The following LRFN5 variants were observed in gnomAD, a reference collection of about 807,000 sequenced individuals.
LRFN5 encodes leucine rich repeat and fibronectin type III domain containing 5.
LRFN5 carries 24 observed loss-of-function variants against 45.6 expected under a neutral mutation model. The observed-to-expected ratio is 0.53, with a 90% CI of 0.38 to 0.74. The LOEUF is 0.74. LRFN5 is among the 30% of genes least tolerant of loss of function. The probability of loss-of-function intolerance (pLI) is 0.00; values close to 1 mark genes in which losing one functional copy is unlikely to be tolerated. For missense variants in LRFN5, 776 were observed against 861.5 expected, an observed-to-expected ratio of 0.90 and a Z score of 1.24; for synonymous variants, 340 against 313.8, an observed-to-expected ratio of 1.08 and a Z score of -0.88.
chr14:41,840,078 G>A (rs1185589325), intron 2 of LRFN5, among the ~76,000 whole-genome samples: 3 of 152,058 alleles, frequency 2.0e-5, no homozygotes, highest in Non-Finnish European at 2.9e-5. Flanking sequence ...ACTGTGGAAG[G>A]CAACTTGGAA....
intron 1 of LRFN5, among the ~76,000 whole-genome samples, chr14:41,661,602 T>C (rs1594591228): frequency 6.6e-6 from 1 of 152,138 alleles, no homozygotes; most frequent in African/African-American, 2.4e-5. Flanking sequence ...TCATAGTCCT[T>C]ATGACTGAAG....
chr14:41,833,254 G>T (rs1350201022), intron 2 of LRFN5, among the ~76,000 whole-genome samples: 2 of 152,118 alleles, frequency 1.3e-5, no homozygotes, highest in Non-Finnish European at 2.9e-5. Flanking sequence ...AATGATTAGC[G>T]ATCCGCAGGA....
chr14:41,889,586 A>T (rs966948626), intron 3 of LRFN5, among the ~76,000 whole-genome samples: 4 of 152,114 alleles, frequency 2.6e-5, no homozygotes, highest in African/African-American at 9.7e-5. Flanking sequence ...TTATTTTCCA[A>T]ATTCCAGGAT....
At chr14:41,631,713 A>G (rs1035437638) in intron 1 of LRFN5, among the ~76,000 whole-genome samples, 9 of 152,130 alleles carry the variant, frequency 5.9e-5, no homozygotes, top group Non-Finnish European at 1.2e-4. Flanking sequence ...ATAATAAGTC[A>G]TGAGTATATC....
At chr14:41,633,875 T>A (rs1594567922) in intron 1 of LRFN5, among the ~76,000 whole-genome samples, 1 of 152,266 alleles carries the variant, frequency 6.6e-6, no homozygotes, top group East Asian at 1.9e-4. Flanking sequence ...GTTTTTTCCC[T>A]ATGCTTTATA....
chr14:41,674,246 G>C lies in LRFN5; in HGVS notation c.-197+65684G>C, dbSNP rs1378299068. Among the ~76,000 whole-genome samples, 30 of 134,388 alleles carry C rather than the reference G, an allele frequency of 2.2e-4. 1 individual carries two copies. Among genetic ancestry groups the C allele is most frequent in the Non-Finnish European group, 3.9e-4 (24 of 61,582 alleles). 88.2% of individuals were successfully genotyped at this position (134,388 alleles called of 152,430 possible). A position where few individuals can be genotyped will look rare whatever the true frequency, so the allele number is the denominator to read the frequency against. On this transcript the variant is annotated intron_variant, in intron 1 of 5. Coordinates refer to ENST00000298119, the MANE Select transcript of LRFN5 (RefSeq NM_152447.5). ...CCCGGACGGGGCGGCTGGCCGGGCA[G>C]AGGGGCTCCTCACTTCCCAGTAGGG...
intron 1 of LRFN5, among the ~76,000 whole-genome samples, chr14:41,647,845 G>A (rs1879890478): frequency 6.6e-6 from 1 of 152,210 alleles, no homozygotes; most frequent in Admixed American, 6.5e-5. Flanking sequence ...ACTAGACCAA[G>A]ATGGTGGGGA....
At chr14:41,664,188 A>C (rs189729462) in intron 1 of LRFN5, among the ~76,000 whole-genome samples, 12 of 152,208 alleles carry the variant, frequency 7.9e-5, no homozygotes, top group Admixed American at 5.2e-4. Flanking sequence ...ATTTGCTGTC[A>C]TGGGAAGTTG....
At position 41,779,452 on chromosome 14, in the gene LRFN5, T is replaced by C. The variant is rs186890893; in HGVS notation, c.-21+12423T>C. On this transcript the variant is annotated intron_variant, in intron 2 of 5. Transcript: ENST00000298119. ...TAGATTTCCATTCTTGTAATGTCTT[T>C]TATCTGTTTTTATTATTAGGCTAAT... 3.3e-5 allele frequency among the ~76,000 whole-genome samples: 5 copies of C among 152,016 alleles called. No individual in the cohort carries two copies. The East Asian group carries it at 9.7e-4, about 29-fold the overall frequency.
chr14:41,749,317 A>T (rs892692991), intron 1 of LRFN5, among the ~76,000 whole-genome samples: 1 of 152,218 alleles, frequency 6.6e-6, no homozygotes, highest in Non-Finnish European at 1.5e-5. Flanking sequence ...GTATTAATGC[A>T]TGCCAGAGGT....
rs1891022311 is a variant in LRFN5 at position 41,898,909 on chromosome 14, A to G, written c.2099-8A>G. 6.2e-7 allele frequency: 1 copy of G among 1,609,122 alleles called. No individual in the cohort carries two copies. The highest frequency in any genetic ancestry group is 1.7e-5 in the Admixed American group (1 of 59,186). ...AATTGTTTATGACACTGAACATTTT[A>G]TTCCCAGATGCTTTGCTGACTAATG... is the stretch of plus-strand genomic sequence containing the variant. On this transcript the variant is annotated splice_polypyrimidine_tract_variant and splice_region_variant and intron_variant, in intron 4 of 5. Coordinates refer to ENST00000298119, the MANE Select transcript of LRFN5 (RefSeq NM_152447.5).
intron 4 of LRFN5, among the ~76,000 whole-genome samples, chr14:41,897,027 G>A (rs1890962454): frequency 1.3e-5 from 2 of 151,640 alleles, no homozygotes; most frequent in Admixed American, 6.6e-5. Flanking sequence ...TGGAGTCGGA[G>A]GTTGCAGTGA....
chr14:41,735,235 G>C lies in LRFN5; in HGVS notation c.-196-31619G>C, dbSNP rs182880469. Among the ~76,000 whole-genome samples, 4 of 151,710 alleles carry C rather than the reference G, an allele frequency of 2.6e-5. No homozygotes were observed. In the East Asian group the frequency reaches 7.9e-4, roughly 30 times the overall value. ...ATTCCTTTGGGTTTTGTCTGAAAAA[G>C]TTTTTGCCATCCATTCACCTTTATT... On this transcript the variant is annotated intron_variant, in intron 1 of 5. Transcript: ENST00000298119.
intron 2 of LRFN5, among the ~76,000 whole-genome samples, chr14:41,781,634 G>GAAA (rs1178832208): frequency 2.4e-4 from 28 of 115,012 alleles, no homozygotes; most frequent in South Asian, 1.1e-3. Context: ...AAGAAAGAAA[G>GAAA]GAAAGAAAGA....
intron 2 of LRFN5, among the ~76,000 whole-genome samples, chr14:41,863,442 T>G (rs1406491531): frequency 6.6e-6 from 1 of 152,214 alleles, no homozygotes; most frequent in East Asian, 1.9e-4. Context: ...TATAGTTATA[T>G]CCCACAAGAT....
chr14:41,832,666 T>A (rs1020243638), intron 2 of LRFN5, among the ~76,000 whole-genome samples: 1 of 152,140 alleles, frequency 6.6e-6, no homozygotes, highest in Non-Finnish European at 1.5e-5. Flanking sequence ...GGGTTCACCA[T>A]ATATTGGTCC....
intron 2 of LRFN5, among the ~76,000 whole-genome samples, chr14:41,816,667 G>A (rs981303679): frequency 6.6e-6 from 1 of 151,834 alleles, no homozygotes; most frequent in Non-Finnish European, 1.5e-5. Flanking sequence ...CTCTTCTAGA[G>A]GTAAGATGTT....
intron 1 of LRFN5, among the ~76,000 whole-genome samples, chr14:41,659,049 A>G (rs1880508752): frequency 6.6e-6 from 1 of 151,626 alleles, no homozygotes; most frequent in African/African-American, 2.4e-5. Context: ...ATTTTTTATT[A>G]TGTAATGTTT....
At chr14:41,687,063 C>G (rs1882154294) in intron 1 of LRFN5, among the ~76,000 whole-genome samples, 1 of 152,026 alleles carries the variant, frequency 6.6e-6, no homozygotes, top group African/African-American at 2.4e-5. Flanking sequence ...AACAGGCAAC[C>G]TACAGAATGG....
Sources: allele counts gnomAD v4.1 joint callset (sites outside exome capture counted in the v4.1 genomes callset), GRCh38; gene constraint gnomAD v4.1.1; transcripts MANE v1.5; gene names NCBI Gene and HGNC (gene_info 2026-07-23, HGNC 2026-07-21).